The following RB1CC1 variants were observed in gnomAD, a reference collection of about 807,000 sequenced individuals.
The protein encoded by RB1CC1 is RB1-inducible coiled-coil protein 1.
A neutral mutation model predicts 177.5 loss-of-function variants in RB1CC1; 46 were observed. The ratio of observed to expected loss-of-function variants is 0.26; its 90% confidence interval spans 0.20 to 0.33. RB1CC1 has a LOEUF of 0.33. Among genes scored for constraint, RB1CC1 ranks in the 10% least tolerant of loss-of-function variants. The probability of loss-of-function intolerance (pLI) is 1.00; values close to 1 mark genes in which losing one functional copy is unlikely to be tolerated. For missense variants in RB1CC1, 1,703 were observed against 1,816.3 expected, an observed-to-expected ratio of 0.94 and a Z score of 1.13; for synonymous variants, 666 against 613.6, an observed-to-expected ratio of 1.09 and a Z score of -1.26.
At chr8:52,648,885 A>G (rs1850301924) in intron 15 of RB1CC1, among the ~76,000 whole-genome samples, 1 of 152,154 alleles carries the variant, frequency 6.6e-6, no homozygotes, top group African/African-American at 2.4e-5. Context: ...AATTGTCGAC[A>G]TCATTACTCT....
chr8:52,623,724 A>T lies in RB1CC1; in HGVS notation c.*58T>A. On this transcript the variant is annotated 3_prime_UTR_variant, in exon 24 of 24. Coordinates refer to ENST00000025008, the MANE Select transcript of RB1CC1 (RefSeq NM_014781.5). ...CCTGCTGTTTTTGGAGTGATGAATG[A>T]GCACTGCAGGACAAATCAGAAAAAA... 1.6e-6 allele frequency: 2 copies of T among 1,233,782 alleles called. No individual in the cohort carries two copies. Among genetic ancestry groups the T allele is most frequent in the Non-Finnish European group, 2.4e-6 (2 of 838,124 alleles). The allele number at this position is 1,233,782 out of a possible 1,614,324, so 76.4% of individuals were successfully genotyped here. A position where few individuals can be genotyped will look rare whatever the true frequency, so the allele number is the denominator to read the frequency against.
At chr8:52,629,465 C>T (rs555384105) in intron 21 of RB1CC1, among the ~76,000 whole-genome samples, 1 of 152,012 alleles carries the variant, frequency 6.6e-6, no homozygotes, top group African/African-American at 2.4e-5. Context: ...TGAAGCCCCC[C>T]CAACCAACCA....
intron 6 of RB1CC1, among the ~76,000 whole-genome samples, chr8:52,675,727 A>C (rs1437098451): frequency 6.7e-6 from 1 of 149,724 alleles, no homozygotes; most frequent in Admixed American, 6.6e-5. Context: ...AAAAAAAAAA[A>C]AAAAAAAAAA....
At chr8:52,660,742 A>G in intron 11 of RB1CC1, 85 bp from the exon 12 acceptor site, 1 of 1,305,582 alleles carries the variant, frequency 7.7e-7, no homozygotes, top group South Asian at 1.3e-5. Context: ...AGGTAAATTA[A>G]AAGTTGACAG....
chr8:52,684,341 T>C lies in RB1CC1; in HGVS notation c.72-328A>G, dbSNP rs371557918. On this transcript the variant is annotated intron_variant, in intron 3 of 23. Transcript: ENST00000025008. Reference sequence around the variant, plus strand: ...ACATGTGAAGATTCCTTCCTATCCCTATCTTCCAAAAAATCATTCATGTAA... The same window carrying C: ...ACATGTGAAGATTCCTTCCTATCCCCATCTTCCAAAAAATCATTCATGTAA... Among the ~76,000 whole-genome samples, 8 of 152,314 alleles carry C rather than the reference T, an allele frequency of 5.3e-5. No homozygotes were observed. In the South Asian group the frequency reaches 1.0e-3, roughly 20 times the overall value.
Position 52,656,522 on chromosome 8 carries a change from C to T in RB1CC1, c.3307G>A (p.Glu1103Lys), listed in dbSNP as rs757695099. 41 of 1,611,168 alleles carry T rather than the reference C, an allele frequency of 2.5e-5. No homozygotes were observed. In the South Asian group the frequency reaches 4.2e-4, roughly 16 times the overall value. ...LEQETENLRTEISKLNQKIQD... is the reference protein window; with the variant it reads ...LEQETENLRTKISKLNQKIQD... The stretch of plus-strand genomic sequence containing the variant: ...ATCTTTTGGTTGAGTTTACTAATTT[C>T]TGTTCTCAAATTTTCTGTCTCTTGT... Residue 1103 changes from glutamate (E) to lysine (K), a missense_variant, in exon 15 of 24, where the codon GAA becomes AAA. Glu to Lys is a moderately conservative substitution (Grantham distance 56). Transcript: ENST00000025008.
At chr8:52,646,318 AAC>A (rs1174594372) in intron 15 of RB1CC1, among the ~76,000 whole-genome samples, 3 of 152,022 alleles carry the variant, frequency 2.0e-5, no homozygotes, top group African/African-American at 7.3e-5. Context: ...ACAAACAAAC[AAC>A]AAAAAAAAAC....
rs773140252 is a variant in RB1CC1, at chr8:52,683,714, T to C, written c.204A>G (p.Thr68=). ...RVCTYSAGTD[T]NPIFLFNKEM... is the part of the protein sequence containing the mutation. ...CTTTGTTAAAAAGAAAAATTGGATT[T>C]GTATCCTATATTTTTTAAAAAAGGA... The change falls in exon 5 of 24, where the codon ACA becomes ACG. Residue 68 remains threonine, a synonymous_variant. Transcript: ENST00000025008. 56 of 1,582,724 alleles carry C rather than the reference T, an allele frequency of 3.5e-5. No homozygotes were observed. The highest frequency in any genetic ancestry group is 4.4e-5 in the Non-Finnish European group (51 of 1,165,804).
At chr8:52,706,949 A>G (rs1461416143) in intron 1 of RB1CC1, among the ~76,000 whole-genome samples, 1 of 152,126 alleles carries the variant, frequency 6.6e-6, no homozygotes, top group Non-Finnish European at 1.5e-5. Context: ...GGCATGAGTC[A>G]CCACGCCCCA....
At chr8:52,690,650 T>A (rs1854766031) in intron 1 of RB1CC1, among the ~76,000 whole-genome samples, 1 of 152,184 alleles carries the variant, frequency 6.6e-6, no homozygotes, top group East Asian at 1.9e-4. Context: ...AAACACAAAA[T>A]CTTCAATAAT....
chr8:52,625,943 G>A (rs1206877255), intron 22 of RB1CC1, among the ~76,000 whole-genome samples: 1 of 152,120 alleles, frequency 6.6e-6, no homozygotes, highest in African/African-American at 2.4e-5. Flanking sequence ...AGATATACAC[G>A]AAAGATATCC....
At position 52,668,208 on chromosome 8, in the gene RB1CC1, C is replaced by A. The variant is rs1339239591; in HGVS notation, c.1003-17G>T. 1 of 1,609,904 alleles carries A rather than the reference C, an allele frequency of 6.2e-7. No homozygotes were observed. The highest frequency in any genetic ancestry group is 1.7e-5 in the Admixed American group (1 of 59,864). Reference sequence around the variant, plus strand: ...TGGATCAAGCTAAATGACAAGGAAACACATACGAATACAATTTTCAGCAAA... The same window carrying A: ...TGGATCAAGCTAAATGACAAGGAAAAACATACGAATACAATTTTCAGCAAA... On this transcript the variant is annotated splice_polypyrimidine_tract_variant and intron_variant, in intron 7 of 23. Transcript: ENST00000025008.
At chr8:52,633,376 G>A (rs1212164894) in intron 20 of RB1CC1, among the ~76,000 whole-genome samples, 2 of 152,014 alleles carry the variant, frequency 1.3e-5, no homozygotes, top group African/African-American at 4.8e-5. Flanking sequence ...GATTAAAATC[G>A]TTGCCAAACA....
rs746328194 is a variant in RB1CC1 at position 52,668,136 on chromosome 8, T to C, written c.1058A>G (p.Lys353Arg). 2.5e-5 allele frequency: 40 copies of C among 1,614,108 alleles called. No individual in the cohort carries two copies. The highest frequency in any genetic ancestry group is 3.3e-5 in the Non-Finnish European group (39 of 1,179,992). ...FIAECRQTIA[K>R]LDNQNMKAIK... ...GGCTTTCATATTCTGATTATCAAGT[T>C]TGGCAATAGTTTGACGGCATTCTGC... Residue 353 changes from lysine to arginine, a missense_variant, in exon 8 of 24, where the codon AAA (lysine) becomes AGA (arginine). Physicochemically the swap from Lys to Arg is conservative, Grantham distance 26. Transcript: ENST00000025008.
chr8:52,713,754 G>A (rs996264093), intron 1 of RB1CC1, among the ~76,000 whole-genome samples: 3 of 152,254 alleles, frequency 2.0e-5, no homozygotes, highest in East Asian at 3.9e-4. Flanking sequence ...CAGCGCAGAG[G>A]GAGGGATCCC....
intron 17 of RB1CC1, 21 bp downstream of exon 17, chr8:52,642,683 A>T (rs1366800460): frequency 2.8e-5 from 44 of 1,570,432 alleles, no homozygotes; most frequent in Non-Finnish European, 3.8e-5. Context: ...ATTAAAAAAA[A>T]TAGTACAAAA....
At chr8:52,706,377 G>A in intron 1 of RB1CC1, among the ~76,000 whole-genome samples, 1 of 107,076 alleles carries the variant, frequency 9.3e-6, no homozygotes, top group Non-Finnish European at 1.9e-5. Flanking sequence ...TTTTTTTTTT[G>A]AGATGGACTT....
At chr8:52,625,384 T>C (rs1044301320) in intron 22 of RB1CC1, among the ~76,000 whole-genome samples, 1 of 151,934 alleles carries the variant, frequency 6.6e-6, no homozygotes, top group African/African-American at 2.4e-5. Flanking sequence ...AGCTGAAAAA[T>C]GTGAGAGAAG....
chr8:52,699,088 G>C (rs1231961190), intron 1 of RB1CC1, among the ~76,000 whole-genome samples: 1 of 152,084 alleles, frequency 6.6e-6, no homozygotes, highest in East Asian at 1.9e-4. Context: ...ACAAGTGTCT[G>C]TAGGTACTGA....
Sources: gnomAD v4.1 joint callset for allele counts (sites outside exome capture counted in the v4.1 genomes callset) on GRCh38, gnomAD v4.1.1 for gene constraint, MANE v1.5 for transcripts, NCBI Gene and HGNC (gene_info 2026-07-23, HGNC 2026-07-21) for gene names.